The following COX15 variants were observed in gnomAD, a reference collection of about 807,000 sequenced individuals.
The protein encoded by COX15 is cytochrome c oxidase assembly factor COX15.
A neutral mutation model predicts 51.9 loss-of-function variants in COX15; 51 were observed. The ratio of observed to expected loss-of-function variants is 0.98; its 90% CI spans 0.78 to 1.24. The LOEUF (loss-of-function observed/expected upper bound fraction) is 1.24, where lower values mean the gene tolerates loss of function less well. COX15 is among the 50% of genes most tolerant of loss of function. COX15 has a pLI of 0.00. For missense variants in COX15, 420 were observed against 501.1 expected, an observed-to-expected ratio of 0.84 and a Z score of 1.55; for synonymous variants, 188 against 190.5, an observed-to-expected ratio of 0.99 and a Z score of 0.11.
chr10:99,727,064 C>A lies in COX15; in HGVS notation c.486G>T (p.Val162=). Residue 162 remains valine (V), a synonymous_variant, in exon 4 of 9, where the codon GTG becomes GTT. Coordinates refer to ENST00000016171, the MANE Select transcript of COX15 (RefSeq NM_078470.6). ...HRMWGRLVGL[V]YILPAAYFWR... is the part of the protein sequence containing the mutation. ...AAAAGTAGGCAGCAGGCAGGATGTA[C>A]ACAAGGCCTACAAGGCGACCCCACA... is the stretch of plus-strand genomic sequence containing the variant. The A allele has an allele frequency of 1.2e-6, 2 of 1,614,172 alleles. No homozygotes were observed. Among genetic ancestry groups the A allele is most frequent in the Non-Finnish European group, 1.7e-6 (2 of 1,180,032 alleles).
At chr10:99,723,828 C>T (rs1290569499) in intron 5 of COX15, 128 bp downstream of exon 5, 1 of 1,016,848 alleles carries the variant, frequency 9.8e-7, no homozygotes, top group South Asian at 1.3e-5. Flanking sequence ...ATTTGTTTCA[C>T]CTTTGCCAAT....
chr10:99,695,003 A>G, the COX15 span, among the ~76,000 whole-genome samples: 1 of 152,228 alleles, frequency 6.6e-6, no homozygotes, highest in Non-Finnish European at 1.5e-5. Context: ...CATGGCAGAG[A>G]ATGGAATGAG....
At position 99,711,814 on chromosome 10, in the gene COX15, G is replaced by A; in HGVS notation, c.*2773C>T. ...TGCTAAGAATCACCTGTGTTAGTCG[G>A]CTTGCATTGCTATAAGGAAATACTG... is the stretch of plus-strand genomic sequence containing the variant. On this transcript the variant is annotated 3_prime_UTR_variant, in exon 9 of 9. Coordinates refer to ENST00000016171, the MANE Select transcript of COX15 (RefSeq NM_078470.6). 2.0e-6 allele frequency: 2 copies of A among 985,480 alleles called. No individual in the cohort carries two copies. Among genetic ancestry groups the A allele is most frequent in the Non-Finnish European group, 2.4e-6 (2 of 829,982 alleles). The allele number at this position is 985,480 out of a possible 1,614,324, so 61.0% of individuals were successfully genotyped here. A position where few individuals can be genotyped will look rare whatever the true frequency, so the allele number is the denominator to read the frequency against.
intron 1 of COX15, 53 bp from the exon 2 acceptor site, chr10:99,729,787 C>A (rs772028154): frequency 6.3e-7 from 1 of 1,576,334 alleles, no homozygotes; most frequent in East Asian, 2.2e-5. Flanking sequence ...ATGGCTGCTA[C>A]CCACACTCAA....
chr10:99,696,514 T>TC, the COX15 span, among the ~76,000 whole-genome samples: 1 of 152,342 alleles, frequency 6.6e-6, no homozygotes, highest in Admixed American at 6.5e-5. Flanking sequence ...AGTTGCATCT[T>TC]TTGTGAGAGT....
intron 5 of COX15, among the ~76,000 whole-genome samples, chr10:99,723,460 A>T (rs1294562125): frequency 1.3e-5 from 2 of 152,138 alleles, no homozygotes; most frequent in Non-Finnish European, 2.9e-5. Flanking sequence ...TTTAAAAAAA[A>T]ATTCTAGGGA....
chr10:99,709,922 T>C, downstream of COX15: 1 of 985,444 alleles, frequency 1.0e-6, no homozygotes, highest in Non-Finnish European at 1.2e-6. Flanking sequence ...CTTTTATTAG[T>C]AAAACTGAAT....
At chr10:99,697,703 T>A in the COX15 span, 1 of 160,342 alleles carries the variant, frequency 6.2e-6, no homozygotes, top group Non-Finnish European at 1.4e-5. Flanking sequence ...TGTTCTGTTG[T>A]ACTGCCTCAT....
intron 7 of COX15, among the ~76,000 whole-genome samples, chr10:99,716,855 G>T (rs2036596598): frequency 6.6e-6 from 1 of 151,610 alleles, no homozygotes; most frequent in African/African-American, 2.4e-5. Flanking sequence ...TATTTTCCTG[G>T]GCTGTGAGTG....
the COX15 span, chr10:99,700,938 A>G: frequency 6.3e-7 from 1 of 1,580,540 alleles, no homozygotes; most frequent in Admixed American, 1.7e-5. Context: ...TTGCCTCCAA[A>G]TTCATGTTGC....
At chr10:99,701,193 G>A in the COX15 span, 2 of 780,692 alleles carry the variant, frequency 2.6e-6, no homozygotes, top group East Asian at 5.2e-5. Context: ...ATTTTCTCAG[G>A]GATAGGGGCC....
At chr10:99,720,950 A>G (rs767750133) in intron 6 of COX15, 37 bp downstream of exon 6, 6 of 1,548,880 alleles carry the variant, frequency 3.9e-6, no homozygotes, top group Non-Finnish European at 5.3e-6. Flanking sequence ...CTTAGAGTGC[A>G]ATGCAAACAG....
At chr10:99,705,329 A>G in the COX15 span, 3 of 153,064 alleles carry the variant, frequency 2.0e-5, no homozygotes, top group Non-Finnish European at 4.4e-5. Context: ...CCCCTTCTAA[A>G]TGAATGGTCT....
chr10:99,729,044 A>C (rs2037050214), intron 2 of COX15, among the ~76,000 whole-genome samples: 1 of 152,256 alleles, frequency 6.6e-6, no homozygotes, highest in South Asian at 2.1e-4. Flanking sequence ...GTCTTTATAG[A>C]AGGCTCCTAC....
chr10:99,728,564 C>T (rs773282175), intron 2 of COX15, among the ~76,000 whole-genome samples: 24 of 152,242 alleles, frequency 1.6e-4, no homozygotes, highest in African/African-American at 2.2e-4. Context: ...AATTTTGCTA[C>T]GCTAATGAAA....
chr10:99,731,566 C>A (rs183117536), intron 1 of COX15, among the ~76,000 whole-genome samples: 2 of 152,290 alleles, frequency 1.3e-5, no homozygotes, highest in East Asian at 3.9e-4. Flanking sequence ...ATTTCCTTCT[C>A]TGTAGGATGC....
chr10:99,731,162 C>A (rs1191334789), intron 1 of COX15, among the ~76,000 whole-genome samples: 1 of 152,138 alleles, frequency 6.6e-6, no homozygotes, highest in Non-Finnish European at 1.5e-5. Context: ...GTATCTGTGG[C>A]CTGTTGTTGA....
chr10:99,724,241 G>A (rs1272938014), intron 4 of COX15, 118 bp from the exon 5 acceptor site: 1 of 1,182,004 alleles, frequency 8.5e-7, no homozygotes, highest in Admixed American at 1.9e-5. Flanking sequence ...GGAGTGCAGT[G>A]GCGGGATCTT....
chr10:99,709,521 TAAC>T, downstream of COX15: 3 of 983,482 alleles, frequency 3.1e-6, no homozygotes, highest in Non-Finnish European at 3.6e-6. Context: ...TGATTAATAA[TAAC>T]AGGATTATTA....
Sources: gnomAD v4.1 joint callset for allele counts (sites outside exome capture counted in the v4.1 genomes callset) on GRCh38, gnomAD v4.1.1 for gene constraint, MANE v1.5 for transcripts, NCBI Gene and HGNC (gene_info 2026-07-23, HGNC 2026-07-21) for gene names.